NAA11: variants seen among roughly 807,000 people sequenced by gnomAD.
The protein encoded by NAA11 is N-alpha-acetyltransferase 11, NatA catalytic subunit.
In NAA11, 15 loss-of-function variants were observed where a neutral mutation model predicts 16.1. The observed-to-expected ratio is 0.93, with a 90% CI of 0.62 to 1.44. The LOEUF is 1.44. Ranked by LOEUF, NAA11 falls within the 40% of genes most tolerant of loss-of-function variation. NAA11 has a pLI of 0.00. For synonymous variants in NAA11, 122 were observed against 112.4 expected, an observed-to-expected ratio of 1.09 and a Z score of -0.54; for missense variants, 298 against 291.3, an observed-to-expected ratio of 1.02 and a Z score of -0.17.
Position 79,325,588 on chromosome 4 carries a change from G to A in NAA11, c.290C>T (p.Ala97Val). 6.2e-7 allele frequency: 1 copy of A among 1,614,092 alleles called. No homozygotes were observed. The highest frequency in any genetic ancestry group is 1.3e-5 in the African/African-American group (1 of 75,048). ...TTTGGCGTTAAAGTTCTCTATCATG[G>A]CCCTGGAGGCCTGGTCCATCAGCTT... ...AQKLMDQASR[A>V]MIENFNAKYV... Residue 97 changes from alanine to valine, a missense_variant, in exon 1 of 2, where the codon GCC becomes GTC. By Grantham distance (64) the Ala-to-Val change is moderately conservative. Transcript: ENST00000286794.
At chr4:79,231,421 T>A (rs1721461797) in intron 2 of NAA11, among the ~76,000 whole-genome samples, 1 of 151,938 alleles carries the variant, frequency 6.6e-6, no homozygotes, top group Non-Finnish European at 1.5e-5. Context: ...AACCTCAGAA[T>A]TTTTTATCCT....
intron 2 of NAA11, among the ~76,000 whole-genome samples, chr4:79,267,248 A>T (rs1722374818): frequency 6.6e-6 from 1 of 152,210 alleles, no homozygotes; most frequent in South Asian, 2.1e-4. Flanking sequence ...CTTTTCTGCC[A>T]CGGAGAATAG....
At chr4:79,196,955 C>CAAAAAAAAAAAAAAAAAAAAAAA in the NAA11 span, among the ~76,000 whole-genome samples, 72 of 86,190 alleles carry the variant, frequency 8.4e-4, no homozygotes, top group East Asian at 1.4e-3. Context: ...ATGAAAAAGA[C>CAAAAAAAAAAAAAAAAAAAAAAA]AAAAAAAAAA....
At chr4:79,272,321 G>T (rs762013745) in intron 2 of NAA11, among the ~76,000 whole-genome samples, 2 of 151,970 alleles carry the variant, frequency 1.3e-5, no homozygotes, top group Non-Finnish European at 2.9e-5. Context: ...TCTATTAAAA[G>T]AACCAAATTT....
At chr4:79,170,786 A>G in the NAA11 span, among the ~76,000 whole-genome samples, 8 of 150,094 alleles carry the variant, frequency 5.3e-5, no homozygotes, top group African/African-American at 2.0e-4. Context: ...TACATCTGTG[A>G]TCTAAGTTTT....
the NAA11 span, among the ~76,000 whole-genome samples, chr4:79,173,045 C>T: frequency 1.3e-5 from 2 of 152,132 alleles, no homozygotes; most frequent in Non-Finnish European, 2.9e-5. Context: ...GTGCAAATAA[C>T]ACCAATATGG....
rs1413458132 is a variant in NAA11, at chr4:79,237,700, A to C, written c.*123-11430T>G. On this transcript the variant is annotated intron_variant and NMD_transcript_variant, in intron 2 of 2. Transcript: ENST00000511542. ...CAATTTTATAATTATTGATTAGTGC[A>C]GAAACTTAGGTCTAAACATTGACGA... 2.0e-5 allele frequency among the ~76,000 whole-genome samples: 3 copies of C among 152,218 alleles called. No homozygotes were observed. In the South Asian group the frequency reaches 6.2e-4, roughly 31 times the overall value.
chr4:79,234,925 C>T (rs1055254948), intron 2 of NAA11, among the ~76,000 whole-genome samples: 2 of 152,048 alleles, frequency 1.3e-5, no homozygotes, highest in Non-Finnish European at 2.9e-5. Flanking sequence ...ATCCCAATTT[C>T]CTAACTAATT....
the NAA11 span, among the ~76,000 whole-genome samples, chr4:79,179,956 A>G: frequency 4.6e-5 from 7 of 152,164 alleles, no homozygotes; most frequent in African/African-American, 1.7e-4. Context: ...AGAAGTGCCA[A>G]GTGAAGGGGG....
At chr4:79,291,879 G>T (rs1723095405) in intron 2 of NAA11, among the ~76,000 whole-genome samples, 1 of 152,054 alleles carries the variant, frequency 6.6e-6, no homozygotes, top group Admixed American at 6.6e-5. Context: ...AAATTAAAAT[G>T]CTTCCCCAAA....
At chr4:79,209,039 C>T in the NAA11 span, among the ~76,000 whole-genome samples, 14 of 149,894 alleles carry the variant, frequency 9.3e-5, no homozygotes, top group African/African-American at 3.4e-4. Context: ...TATATAGTTG[C>T]AGGGATTATG....
At chr4:79,156,809 T>G in the NAA11 span, among the ~76,000 whole-genome samples, 2 of 152,324 alleles carry the variant, frequency 1.3e-5, no homozygotes, top group South Asian at 4.1e-4. Flanking sequence ...AGCTCAGACT[T>G]GTATCCAAAT....
At position 79,246,613 on chromosome 4, in the gene NAA11, C is replaced by T. The variant is rs139787275; in HGVS notation, c.*123-20343G>A. On this transcript the variant is annotated intron_variant and NMD_transcript_variant, in intron 2 of 2. Coordinates refer to the NAA11 transcript ENST00000511542. ...ACTTATTTAACACACTTCGAAAATG[C>T]GATTAAATCCATCAGTTGAACCTGA... Among the ~76,000 whole-genome samples, 617 of 152,172 alleles carry T rather than the reference C, an allele frequency of 4.1e-3. 5 individuals carry two copies. Among genetic ancestry groups the T allele is most frequent in the African/African-American group, 0.014 (580 of 41,512 alleles).
the NAA11 span, chr4:79,195,739 T>A: frequency 6.6e-6 from 1 of 152,048 alleles, no homozygotes; most frequent in African/African-American, 2.4e-5. Context: ...AATTGAATCA[T>A]GGGGGTGGTT....
At chr4:79,260,385 C>T (rs1007538882) in intron 2 of NAA11, among the ~76,000 whole-genome samples, 22 of 152,214 alleles carry the variant, frequency 1.4e-4, no homozygotes, top group African/African-American at 5.3e-4. Context: ...TGCCATCTTT[C>T]CATAATGCAA....
At chr4:79,278,745 G>A (rs1722722662) in intron 2 of NAA11, among the ~76,000 whole-genome samples, 1 of 151,946 alleles carries the variant, frequency 6.6e-6, no homozygotes, top group Non-Finnish European at 1.5e-5. Flanking sequence ...ATACTTGAAC[G>A]CTACTATAAA....
chr4:79,259,233 G>A (rs1214761894), intron 2 of NAA11, among the ~76,000 whole-genome samples: 1 of 152,122 alleles, frequency 6.6e-6, no homozygotes. Flanking sequence ...TGGCCCTTTG[G>A]TGAGCTAGAC....
At chr4:79,260,270 T>C (rs1722219298) in intron 2 of NAA11, among the ~76,000 whole-genome samples, 1 of 152,228 alleles carries the variant, frequency 6.6e-6, no homozygotes, top group Non-Finnish European at 1.5e-5. Flanking sequence ...TTAATGGGAA[T>C]ATTTTGTCAT....
intron 2 of NAA11, among the ~76,000 whole-genome samples, chr4:79,229,838 T>C (rs1721414911): frequency 1.3e-5 from 2 of 151,928 alleles, no homozygotes; most frequent in Non-Finnish European, 2.9e-5. Context: ...ATAGGAGAGC[T>C]GAAATTTGAA....
Sources: gnomAD v4.1 joint callset for allele counts (sites outside exome capture counted in the v4.1 genomes callset) on GRCh38, gnomAD v4.1.1 for gene constraint, MANE v1.5 for transcripts, NCBI Gene and HGNC (gene_info 2026-07-23, HGNC 2026-07-21) for gene names.